SOX5: variants seen among roughly 807,000 people sequenced by gnomAD.
SOX5 encodes transcription factor SOX-5.
Under a neutral mutation model 92.0 loss-of-function variants are expected in SOX5, and 9 were observed. The observed-to-expected ratio is 0.10, with a 90% CI of 0.06 to 0.17. The LOEUF is 0.17. Among genes scored for constraint, SOX5 ranks in the 10% least tolerant of loss-of-function variants. The probability of loss-of-function intolerance (pLI) is 1.00; values close to 1 mark genes in which losing one functional copy is unlikely to be tolerated. For synonymous variants in SOX5, 344 were observed against 336.3 expected (o/e 1.02, Z -0.25); for missense variants, 642 against 944.5 (o/e 0.68, Z 4.20).
intron 13 of SOX5, among the ~76,000 whole-genome samples, chr12:23,540,249 GAGATATACCTAACGCTAAA>G (rs1333132512): frequency 6.6e-6 from 1 of 151,758 alleles, no homozygotes; most frequent in Non-Finnish European, 1.5e-5. Context: ...ATAGCATTAG[GAGATATACCTAACGCTAAA>G]TGACGAGTTA....
intron 6 of SOX5, among the ~76,000 whole-genome samples, chr12:23,726,956 CT>C: frequency 6.6e-6 from 1 of 152,042 alleles, no homozygotes; most frequent in East Asian, 1.9e-4. Flanking sequence ...AAACAATTAT[CT>C]AAATAGATTA....
intron 3 of SOX5, among the ~76,000 whole-genome samples, chr12:24,251,564 GGTTTTTT>G (rs2140160630): frequency 6.8e-6 from 1 of 148,068 alleles, no homozygotes; most frequent in South Asian, 2.1e-4. Flanking sequence ...GGATGGTTAG[GGTTTTTT>G]GTTTTTTTTT....
chr12:24,072,594 A>G (rs1941943649), intron 4 of SOX5, among the ~76,000 whole-genome samples: 1 of 152,184 alleles, frequency 6.6e-6, no homozygotes, highest in Non-Finnish European at 1.5e-5. Context: ...AAGGCCCTAA[A>G]GCTCTTTGAT....
At chr12:24,050,122 A>AAAGGGG (rs1363078708) in intron 4 of SOX5, among the ~76,000 whole-genome samples, 1 of 151,584 alleles carries the variant, frequency 6.6e-6, no homozygotes, top group Non-Finnish European at 1.5e-5. Context: ...AGGGAAAAGA[A>AAAGGGG]AAGGGGAGTG....
intron 4 of SOX5, among the ~76,000 whole-genome samples, chr12:24,146,182 A>T (rs112603684): frequency 6.6e-6 from 1 of 152,118 alleles, no homozygotes; most frequent in Non-Finnish European, 1.5e-5. Flanking sequence ...GTAGCAGCAT[A>T]TATTTTTTTT....
intron 1 of SOX5, among the ~76,000 whole-genome samples, chr12:24,560,405 G>C (rs2139076395): frequency 6.6e-6 from 1 of 152,274 alleles, no homozygotes; most frequent in African/African-American, 2.4e-5. Flanking sequence ...ATCTTGTATA[G>C]TTCTGAGGAA....
At chr12:23,561,239 T>C (rs1044231139) in intron 11 of SOX5, among the ~76,000 whole-genome samples, 5 of 152,164 alleles carry the variant, frequency 3.3e-5, no homozygotes, top group Admixed American at 2.6e-4. Context: ...CGGAGGCAAC[T>C]CTCACTCCTG....
intron 4 of SOX5, among the ~76,000 whole-genome samples, chr12:24,200,516 G>A (rs1414557615): frequency 2.0e-5 from 3 of 150,678 alleles, no homozygotes; most frequent in East Asian, 1.9e-4. Context: ...TTTGATCTAC[G>A]CTGCCGTGAA....
Position 24,092,551 on chromosome 12 carries a change from C to A in SOX5, c.-2+120792G>T, listed in dbSNP as rs147675350. Among the ~76,000 whole-genome samples the A allele has an allele frequency of 8.9e-4, 136 of 152,268 alleles. 1 individual carries two copies. The highest frequency in any genetic ancestry group is 3.2e-3 in the African/African-American group (133 of 41,546). Reference sequence around the variant, plus strand: ...CCCAAGAAGCCTGCAGACTCTTTGACTGGAAGAAACTGGTTAGACCTAAGT... The same window carrying A: ...CCCAAGAAGCCTGCAGACTCTTTGAATGGAAGAAACTGGTTAGACCTAAGT... On this transcript the variant is annotated intron_variant, in intron 4 of 4. Transcript: ENST00000446891.
intron 1 of SOX5, among the ~76,000 whole-genome samples, chr12:24,534,338 A>G (rs1951450541): frequency 1.3e-5 from 2 of 151,962 alleles, no homozygotes; most frequent in South Asian, 2.1e-4. Flanking sequence ...CTCTTAGACC[A>G]TGGTGGTAGA....
intron 3 of SOX5, among the ~76,000 whole-genome samples, chr12:24,218,096 C>G (rs902481330): frequency 2.0e-5 from 3 of 152,090 alleles, no homozygotes; most frequent in Admixed American, 1.3e-4. Flanking sequence ...ATAGAGTTAC[C>G]AAAATGACCC....
At chr12:24,235,038 C>T (rs1048478618) in intron 3 of SOX5, among the ~76,000 whole-genome samples, 10 of 152,324 alleles carry the variant, frequency 6.6e-5, no homozygotes, top group South Asian at 6.2e-4. Context: ...CAGTCTATTA[C>T]GCCTGCAGTA....
intron 4 of SOX5, among the ~76,000 whole-genome samples, chr12:24,196,942 C>A (rs1957066987): frequency 6.6e-6 from 1 of 151,922 alleles, no homozygotes; most frequent in Non-Finnish European, 1.5e-5. Flanking sequence ...CATTAGGATA[C>A]AAAAGAATAA....
intron 9 of SOX5, among the ~76,000 whole-genome samples, chr12:23,579,069 T>C (rs1031896): frequency 0.33 from 50,835 of 152,048 alleles, 8,888 homozygotes; most frequent in East Asian, 0.41. Flanking sequence ...GAGGGGGGAA[T>C]GGCGGTATTG....
At chr12:23,908,875 T>C (rs1445828576) in intron 1 of SOX5, among the ~76,000 whole-genome samples, 2 of 152,114 alleles carry the variant, frequency 1.3e-5, no homozygotes, top group Non-Finnish European at 2.9e-5. Context: ...AGCTTTCCTA[T>C]TTTTCTAGCT....
intron 4 of SOX5, among the ~76,000 whole-genome samples, chr12:24,148,687 C>A (rs1393881340): frequency 1.4e-4 from 3 of 22,000 alleles, no homozygotes; most frequent in Admixed American, 6.8e-4. Flanking sequence ...CCCATCTCTA[C>A]TAAAAAAAAA....
At chr12:24,353,673 C>G (rs1954413301) in intron 2 of SOX5, among the ~76,000 whole-genome samples, 1 of 152,000 alleles carries the variant, frequency 6.6e-6, no homozygotes, top group African/African-American at 2.4e-5. Context: ...TGGAGTCTTG[C>G]TCTGTCACCC....
At chr12:23,725,228 G>T (rs1427490348) in intron 6 of SOX5, among the ~76,000 whole-genome samples, 2 of 152,154 alleles carry the variant, frequency 1.3e-5, no homozygotes, top group African/African-American at 4.8e-5. Flanking sequence ...GTATTAGTCT[G>T]TTCTCACACT....
At chr12:23,693,669 T>C (rs1408978914) in intron 6 of SOX5, among the ~76,000 whole-genome samples, 1 of 152,190 alleles carries the variant, frequency 6.6e-6, no homozygotes, top group Non-Finnish European at 1.5e-5. Flanking sequence ...CAGTTAACCT[T>C]GATGATTTAA....
Sources: gnomAD v4.1 joint callset for allele counts (sites outside exome capture counted in the v4.1 genomes callset) on GRCh38, gnomAD v4.1.1 for gene constraint, MANE v1.5 for transcripts, NCBI Gene and HGNC (gene_info 2026-07-23, HGNC 2026-07-21) for gene names.